JMY: variants seen among roughly 807,000 people sequenced by gnomAD.
JMY encodes the protein junction-mediating and -regulatory protein.
JMY carries 46 observed loss-of-function variants against 103.3 expected under a neutral mutation model. The ratio of observed to expected loss-of-function variants is 0.45; its 90% CI spans 0.35 to 0.57. The LOEUF (loss-of-function observed/expected upper bound fraction) is 0.57, where lower values mean the gene tolerates loss of function less well. Ranked by LOEUF, JMY falls within the 20% of genes least tolerant of loss-of-function variation. The pLI, the probability that JMY is intolerant of heterozygous loss-of-function variation, is 0.00. For missense variants in JMY, 1,238 were observed against 1,255.2 expected, an observed-to-expected ratio of 0.99 and a Z score of 0.21; for synonymous variants, 526 against 489.3, an observed-to-expected ratio of 1.07 and a Z score of -0.99.
At chr5:79,240,772 T>C (rs1744715287) in intron 1 of JMY, among the ~76,000 whole-genome samples, 1 of 152,202 alleles carries the variant, frequency 6.6e-6, no homozygotes, top group South Asian at 2.1e-4. Flanking sequence ...ATAATGAAAG[T>C]GTATAGGATG....
At chr5:79,297,164 A>G (rs748420433) in intron 4 of JMY, among the ~76,000 whole-genome samples, 5 of 152,228 alleles carry the variant, frequency 3.3e-5, no homozygotes, top group Non-Finnish European at 5.9e-5. Context: ...TACCTGGATC[A>G]CATTGGGAGG....
At chr5:79,263,606 G>C (rs1745490990) in intron 1 of JMY, among the ~76,000 whole-genome samples, 1 of 152,072 alleles carries the variant, frequency 6.6e-6, no homozygotes, top group Admixed American at 6.6e-5. Flanking sequence ...TGTGGCCCAG[G>C]CTGGTCTTGA....
intron 1 of JMY, among the ~76,000 whole-genome samples, chr5:79,252,896 T>C (rs1323555533): frequency 2.0e-5 from 3 of 152,220 alleles, no homozygotes; most frequent in Non-Finnish European, 4.4e-5. Flanking sequence ...TGTCTAACAA[T>C]TGGAGAGTTT....
chr5:79,262,762 C>T (rs1222323618), intron 1 of JMY, among the ~76,000 whole-genome samples: 1 of 152,164 alleles, frequency 6.6e-6, no homozygotes, highest in Non-Finnish European at 1.5e-5. Flanking sequence ...AGTTTAGGTG[C>T]TGCATAATAG....
At chr5:79,255,117 A>G (rs1432171455) in intron 1 of JMY, among the ~76,000 whole-genome samples, 1 of 104,326 alleles carries the variant, frequency 9.6e-6, no homozygotes, top group Non-Finnish European at 1.8e-5. Context: ...AAGGTCACAT[A>G]TCTCTCTCTC....
chr5:79,236,186 A>G lies in JMY; in HGVS notation c.-465A>G, dbSNP rs1224866137. 2 of 153,116 alleles carry G rather than the reference A, an allele frequency of 1.3e-5. No individual in the cohort carries two copies. Among genetic ancestry groups the G allele is most frequent in the Non-Finnish European group, 2.9e-5 (2 of 69,092 alleles). 9.5% of individuals were successfully genotyped at this position (153,116 alleles called of 1,614,324 possible). On this transcript the variant is annotated 5_prime_UTR_variant, in exon 1 of 11. Transcript: ENST00000396137. ...GGCGCAGAGTTTAGGAGACGGGTTC[A>G]TCAGTCAGGCCGGCTCCGGGCTTTC...
At chr5:79,288,716 GTTTTT>G (rs542455082) in intron 2 of JMY, among the ~76,000 whole-genome samples, 5 of 146,472 alleles carry the variant, frequency 3.4e-5, no homozygotes, top group African/African-American at 1.0e-4. Flanking sequence ...GTTTTGTTTT[GTTTTT>G]TTTTGTTTGT....
At chr5:79,290,994 A>G in intron 3 of JMY, 136 bp from the exon 4 acceptor site, 1 of 596,202 alleles carries the variant, frequency 1.7e-6, no homozygotes, top group East Asian at 3.4e-5. Context: ...CATAAAAGAA[A>G]AAAAGAAAAA....
intron 3 of JMY, among the ~76,000 whole-genome samples, chr5:79,290,635 A>G (rs1295619299): frequency 6.6e-6 from 1 of 152,146 alleles, no homozygotes; most frequent in African/African-American, 2.4e-5. Context: ...TTAACTGCAG[A>G]ACGTTATTTC....
chr5:79,240,923 A>G (rs544342564), intron 1 of JMY, among the ~76,000 whole-genome samples: 1 of 152,330 alleles, frequency 6.6e-6, no homozygotes, highest in Admixed American at 6.5e-5. Flanking sequence ...GGAATTGGCT[A>G]TAGCTTTTCA....
intron 4 of JMY, among the ~76,000 whole-genome samples, chr5:79,297,192 G>T (rs1189060655): frequency 6.6e-6 from 1 of 152,142 alleles, no homozygotes; most frequent in Non-Finnish European, 1.5e-5. Flanking sequence ...TTGGTTTGGG[G>T]TACTGGTATC....
At chr5:79,317,139 C>T (rs1401128279) in intron 10 of JMY, among the ~76,000 whole-genome samples, 2 of 151,870 alleles carry the variant, frequency 1.3e-5, no homozygotes, top group African/African-American at 4.8e-5. Flanking sequence ...ATTTTGATGT[C>T]ATGTTAGCTG....
chr5:79,276,333 T>G (rs888734512), intron 1 of JMY, among the ~76,000 whole-genome samples: 1 of 151,762 alleles, frequency 6.6e-6, no homozygotes, highest in Admixed American at 6.6e-5. Flanking sequence ...TGGCCAAGAC[T>G]GCTCTCAAAC....
In JMY at chr5:79,237,023, G is replaced by A; in HGVS notation, c.373G>A (p.Asp125Asn). The stretch of plus-strand genomic sequence containing the variant: ...TCGGAGCACTCGCAGCCTTCTGGGG[G>A]ACCCGCGGCTGCGGAGTCCTGGCAG... ...SPRSTRSLLG[D>N]PRLRSPGSKG... is the part of the protein sequence containing the mutation. The change falls in exon 1 of 11, where the codon GAC (aspartate) becomes AAC (asparagine). Residue 125 changes from aspartate to asparagine, a missense_variant. Coordinates refer to ENST00000396137, the MANE Select transcript of JMY (RefSeq NM_152405.5). 9 of 1,499,772 alleles carry A rather than the reference G, an allele frequency of 6.0e-6. No individual in the cohort carries two copies. Among genetic ancestry groups the A allele is most frequent in the Non-Finnish European group, 8.0e-6 (9 of 1,123,076 alleles). 92.9% of individuals were successfully genotyped at this position (1,499,772 alleles called of 1,614,324 possible). A position where few individuals can be genotyped will look rare whatever the true frequency, so the allele number is the denominator to read the frequency against.
At chr5:79,252,920 T>C (rs1481405769) in intron 1 of JMY, among the ~76,000 whole-genome samples, 1 of 152,194 alleles carries the variant, frequency 6.6e-6, no homozygotes, top group African/African-American at 2.4e-5. Context: ...CCATTTGCAT[T>C]CAGTGTTATT....
chr5:79,314,984 C>T (rs1747172418), intron 9 of JMY, 133 bp downstream of exon 9: 1 of 783,774 alleles, frequency 1.3e-6, no homozygotes, highest in Non-Finnish European at 2.0e-6. Flanking sequence ...TTTTCAAAGT[C>T]ACACTAGAGG....
intron 10 of JMY, among the ~76,000 whole-genome samples, chr5:79,317,841 C>A (rs572072465): frequency 6.6e-6 from 1 of 152,050 alleles, no homozygotes; most frequent in African/African-American, 2.4e-5. Flanking sequence ...GCCACCATGC[C>A]GGGCTAATTT....
At chr5:79,320,343 C>CT (rs869113484) in intron 10 of JMY, among the ~76,000 whole-genome samples, 5,181 of 25,210 alleles carry the variant, frequency 0.21, 110 homozygotes, top group African/African-American at 0.39. Context: ...CTGTGAGAGT[C>CT]TTTTTTTTTT....
At chr5:79,264,752 A>G (rs897006334) in intron 1 of JMY, among the ~76,000 whole-genome samples, 33 of 152,134 alleles carry the variant, frequency 2.2e-4, no homozygotes, top group African/African-American at 7.5e-4. Context: ...CAGTAATAAC[A>G]GTGTTTTTTC....
Sources: gnomAD v4.1 joint callset for allele counts (sites outside exome capture counted in the v4.1 genomes callset) on GRCh38, gnomAD v4.1.1 for gene constraint, MANE v1.5 for transcripts, NCBI Gene and HGNC (gene_info 2026-07-23, HGNC 2026-07-21) for gene names.